Variants in BCHE observed in about 807,000 individuals in gnomAD.
BCHE encodes cholinesterase.
In BCHE, 48 loss-of-function variants were observed where a neutral mutation model predicts 51.3. The observed-to-expected ratio is 0.94, with a 90% CI of 0.74 to 1.19. The LOEUF (loss-of-function observed/expected upper bound fraction) is 1.19, where lower values mean the gene tolerates loss of function less well. BCHE is among the 50% of genes most tolerant of loss of function. BCHE has a pLI of 0.00. For synonymous variants in BCHE, 251 were observed against 238.0 expected, an observed-to-expected ratio of 1.05 and a Z score of -0.50; for missense variants, 847 against 708.2, an observed-to-expected ratio of 1.20 and a Z score of -2.23.
At chr3:165,791,787 T>C (rs1713177296) in intron 2 of BCHE, among the ~76,000 whole-genome samples, 1 of 151,898 alleles carries the variant, frequency 6.6e-6, no homozygotes, top group South Asian at 2.1e-4. Flanking sequence ...ACCCCGTCTC[T>C]ACTGAAAATA....
chr3:165,791,332 A>T (rs1560006957), intron 2 of BCHE, among the ~76,000 whole-genome samples: 1 of 152,086 alleles, frequency 6.6e-6, no homozygotes, highest in Non-Finnish European at 1.5e-5. Context: ...GATCTCATTT[A>T]CATTGTTTAA....
chr3:165,835,854 A>G (rs1715169636), intron 1 of BCHE, among the ~76,000 whole-genome samples: 1 of 151,934 alleles, frequency 6.6e-6, no homozygotes, highest in African/African-American at 2.4e-5. Context: ...TGAAAATTAA[A>G]TCTCCTCTTA....
chr3:165,831,801 G>T (rs762935294), intron 1 of BCHE, among the ~76,000 whole-genome samples: 2 of 152,146 alleles, frequency 1.3e-5, no homozygotes, highest in Non-Finnish European at 2.9e-5. Context: ...TAATAAACAT[G>T]AGGGACTCTT....
intron 2 of BCHE, among the ~76,000 whole-genome samples, chr3:165,819,645 A>G (rs1027109252): frequency 6.6e-6 from 1 of 152,032 alleles, no homozygotes; most frequent in East Asian, 1.9e-4. Context: ...TTTTGCTGCT[A>G]CCACTATTTT....
chr3:165,804,840 C>A (rs1713813310), intron 2 of BCHE, among the ~76,000 whole-genome samples: 2 of 152,068 alleles, frequency 1.3e-5, no homozygotes, highest in African/African-American at 4.8e-5. Context: ...ATGTTTATAT[C>A]CAGACACATT....
At position 165,830,335 on chromosome 3, in the gene BCHE, G is replaced by C. The variant is rs769497610; in HGVS notation, c.699C>G (p.Ser233Arg). ...GGCTTCCAGGAGAAAGCAAATGCAG[G>C]CTAACTGAAGCTGCTCCTGCACTTT... Reference protein sequence around the residue: ...FGESAGAASVSLHLLSPGSHS... With the variant: ...FGESAGAASVRLHLLSPGSHS... The change falls in exon 2 of 4, where the codon AGC becomes AGG. Residue 233 changes from serine (S) to arginine (R), a missense_variant. Coordinates refer to ENST00000264381, the MANE Select transcript of BCHE (RefSeq NM_000055.4). 1.9e-6 allele frequency: 3 copies of C among 1,613,930 alleles called. No homozygotes were observed. Among genetic ancestry groups the C allele is most frequent in the Non-Finnish European group, 2.5e-6 (3 of 1,179,940 alleles).
chr3:165,796,656 T>G (rs2108210191), intron 2 of BCHE, among the ~76,000 whole-genome samples: 1 of 152,328 alleles, frequency 6.6e-6, no homozygotes, highest in South Asian at 2.1e-4. Context: ...AGTGCCCACT[T>G]AAAGCATACT....
intron 2 of BCHE, among the ~76,000 whole-genome samples, chr3:165,797,057 T>A (rs1713408080): frequency 6.6e-6 from 1 of 152,046 alleles, no homozygotes; most frequent in Non-Finnish European, 1.5e-5. Flanking sequence ...AGAAAATGAA[T>A]TGGGCTGAAT....
At chr3:165,813,517 T>G (rs1432130859) in intron 2 of BCHE, among the ~76,000 whole-genome samples, 1 of 151,748 alleles carries the variant, frequency 6.6e-6, no homozygotes, top group East Asian at 1.9e-4. Context: ...ATATTTATTC[T>G]TTTTGAAATC....
chr3:165,775,724 T>G (rs1038610198), intron 3 of BCHE, among the ~76,000 whole-genome samples: 4 of 151,966 alleles, frequency 2.6e-5, no homozygotes, highest in Admixed American at 1.3e-4. Context: ...TATTTTGAAA[T>G]GCTTTTTAGT....
rs73026295 is a variant in BCHE, at chr3:165,792,360, G to A, written c.1518-6049C>T. Among the ~76,000 whole-genome samples, 1,304 of 152,124 alleles carry A rather than the reference G, an allele frequency of 8.6e-3. 20 individuals are homozygous for A. The highest frequency in any genetic ancestry group is 0.029 in the African/African-American group (1,223 of 41,512). ...AAAATTACCCGGAAAAGAGTTAACC[G>A]AAACAATTTAAGAATAAAAAATCTT... is the stretch of plus-strand genomic sequence containing the variant. On this transcript the variant is annotated intron_variant, in intron 2 of 3. Coordinates refer to ENST00000264381, the MANE Select transcript of BCHE (RefSeq NM_000055.4).
At chr3:165,812,935 T>C (rs1714157608) in intron 2 of BCHE, among the ~76,000 whole-genome samples, 1 of 152,016 alleles carries the variant, frequency 6.6e-6, no homozygotes, top group South Asian at 2.1e-4. Flanking sequence ...TCTTTCTCTG[T>C]GTCCTCATTG....
chr3:165,776,518 A>T (rs1402467553), intron 3 of BCHE, among the ~76,000 whole-genome samples: 1 of 151,986 alleles, frequency 6.6e-6, no homozygotes, highest in African/African-American at 2.4e-5. Context: ...ATGAGAGAAG[A>T]AAAGGAAATG....
At chr3:165,776,103 G>A (rs1712462039) in intron 3 of BCHE, among the ~76,000 whole-genome samples, 1 of 151,748 alleles carries the variant, frequency 6.6e-6, no homozygotes, top group Non-Finnish European at 1.5e-5. Flanking sequence ...TTTAGGGCTG[G>A]CACATTATAA....
intron 1 of BCHE, among the ~76,000 whole-genome samples, chr3:165,835,266 C>T (rs1446332838): frequency 6.6e-6 from 1 of 151,286 alleles, no homozygotes; most frequent in Non-Finnish European, 1.5e-5. Flanking sequence ...ACAAAAAATA[C>T]TAAATGTTAT....
chr3:165,785,555 T>A (rs913933543), intron 3 of BCHE, among the ~76,000 whole-genome samples: 3 of 151,786 alleles, frequency 2.0e-5, no homozygotes, highest in Non-Finnish European at 4.4e-5. Context: ...TAAGACTAGT[T>A]AACTAAATAA....
chr3:165,798,523 A>C (rs560162262), intron 2 of BCHE, among the ~76,000 whole-genome samples: 8 of 152,314 alleles, frequency 5.3e-5, no homozygotes, highest in African/African-American at 1.9e-4. Context: ...GATTATATAG[A>C]TAAGGAAGCT....
chr3:165,809,523 T>C (rs976369391), intron 2 of BCHE, among the ~76,000 whole-genome samples: 2 of 152,186 alleles, frequency 1.3e-5, no homozygotes, highest in East Asian at 3.8e-4. Flanking sequence ...GCAATGTGCA[T>C]TAAAATGTTA....
intron 2 of BCHE, among the ~76,000 whole-genome samples, chr3:165,796,738 T>G (rs1209156474): frequency 6.6e-6 from 1 of 152,180 alleles, no homozygotes; most frequent in Non-Finnish European, 1.5e-5. Context: ...CCCACTCTCC[T>G]AAATACTTCA....
Sources: allele counts gnomAD v4.1 joint callset (sites outside exome capture counted in the v4.1 genomes callset), GRCh38; gene constraint gnomAD v4.1.1; transcripts MANE v1.5; gene names NCBI Gene and HGNC (gene_info 2026-07-23, HGNC 2026-07-21).